Variants in NKAIN2 observed in about 807,000 individuals in gnomAD.
The protein encoded by NKAIN2 is sodium/potassium transporting ATPase interacting 2.
A neutral mutation model predicts 32.6 loss-of-function variants in NKAIN2; 14 were observed. The observed-to-expected ratio is 0.43, with a 90% CI of 0.28 to 0.67. NKAIN2 has a LOEUF of 0.67. Ranked by LOEUF, NKAIN2 falls within the 30% of genes least tolerant of loss-of-function variation. The pLI, the probability that NKAIN2 is intolerant of heterozygous loss-of-function variation, is 0.17. For missense variants in NKAIN2, 198 were observed against 258.3 expected (o/e 0.77, Z 1.60); for synonymous variants, 80 against 87.2 (o/e 0.92, Z 0.46).
At chr6:124,217,236 G>C (rs1234257444) in intron 1 of NKAIN2, among the ~76,000 whole-genome samples, 19 of 152,150 alleles carry the variant, frequency 1.2e-4, no homozygotes, top group Admixed American at 1.2e-3. Flanking sequence ...AGGGGGAAGA[G>C]TGAGGTAGGA....
At chr6:124,216,131 A>G (rs1299795002) in intron 1 of NKAIN2, among the ~76,000 whole-genome samples, 1 of 151,844 alleles carries the variant, frequency 6.6e-6, no homozygotes, top group Non-Finnish European at 1.5e-5. Flanking sequence ...AAAAAAAAAA[A>G]AAAAATAGTC....
intron 3 of NKAIN2, among the ~76,000 whole-genome samples, chr6:124,376,865 T>TA (rs760483842): frequency 3.3e-5 from 5 of 151,972 alleles, no homozygotes; most frequent in Non-Finnish European, 4.4e-5. Flanking sequence ...TCCTAATTCA[T>TA]AAAAAAAAGA....
intron 4 of NKAIN2, among the ~76,000 whole-genome samples, chr6:124,684,211 T>G (rs1009744407): frequency 6.6e-6 from 1 of 152,204 alleles, no homozygotes; most frequent in Non-Finnish European, 1.5e-5. Context: ...AATTTTGTGT[T>G]TGCATGAATC....
At chr6:124,073,594 A>G (rs927910877) in intron 1 of NKAIN2, among the ~76,000 whole-genome samples, 78 of 152,096 alleles carry the variant, frequency 5.1e-4, no homozygotes, top group African/African-American at 1.8e-3. Flanking sequence ...CCTTTCCACA[A>G]TAGGTATTTG....
At chr6:124,511,150 A>T (rs368002008) in intron 3 of NKAIN2, among the ~76,000 whole-genome samples, 1 of 152,202 alleles carries the variant, frequency 6.6e-6, no homozygotes. Flanking sequence ...GGCAAGAAAA[A>T]TGTAGTTGAC....
At chr6:124,661,436 C>T (rs954631104) in intron 4 of NKAIN2, among the ~76,000 whole-genome samples, 3 of 152,190 alleles carry the variant, frequency 2.0e-5, no homozygotes, top group Admixed American at 6.5e-5. Flanking sequence ...TTCACAGATT[C>T]CTGAACCCTG....
chr6:124,274,401 A>G (rs889736864), intron 1 of NKAIN2, among the ~76,000 whole-genome samples: 6 of 152,158 alleles, frequency 3.9e-5, no homozygotes, highest in Non-Finnish European at 8.8e-5. Context: ...ATTTCATCTC[A>G]AGAACAAAGA....
At chr6:124,619,907 T>C (rs888373560) in intron 3 of NKAIN2, among the ~76,000 whole-genome samples, 1 of 152,330 alleles carries the variant, frequency 6.6e-6, no homozygotes, top group African/African-American at 2.4e-5. Context: ...ATTTGCAATG[T>C]AGCCTTACAT....
intron 1 of NKAIN2, among the ~76,000 whole-genome samples, chr6:123,842,906 T>C (rs1000332410): frequency 3.9e-5 from 6 of 152,168 alleles, no homozygotes; most frequent in African/African-American, 1.2e-4. Flanking sequence ...CCTGGTCTTA[T>C]CTATTCAGTG....
chr6:124,008,553 C>T (rs1265509154), intron 1 of NKAIN2, among the ~76,000 whole-genome samples: 1 of 152,022 alleles, frequency 6.6e-6, no homozygotes, highest in South Asian at 2.1e-4. Flanking sequence ...AGAACTAATG[C>T]CATTGTGAGG....
chr6:123,973,446 T>C (rs1048741941), intron 1 of NKAIN2, among the ~76,000 whole-genome samples: 6 of 152,064 alleles, frequency 3.9e-5, no homozygotes, highest in African/African-American at 1.2e-4. Context: ...TTTTATAGCT[T>C]ACATCTTACT....
chr6:124,604,026 GAC>G (rs1414102638), intron 3 of NKAIN2, among the ~76,000 whole-genome samples: 1 of 151,990 alleles, frequency 6.6e-6, no homozygotes, highest in Non-Finnish European at 1.5e-5. Context: ...AGTATAAAAG[GAC>G]ACAGTTTTCT....
intron 1 of NKAIN2, among the ~76,000 whole-genome samples, chr6:124,212,572 A>G (rs1224179634): frequency 1.3e-5 from 2 of 152,108 alleles, no homozygotes; most frequent in African/African-American, 4.8e-5. Context: ...CAGGATCAGT[A>G]AGGAGATACT....
chr6:124,276,224 G>T (rs1455234795), intron 1 of NKAIN2, among the ~76,000 whole-genome samples: 1 of 150,624 alleles, frequency 6.6e-6, no homozygotes, highest in Admixed American at 6.6e-5. Context: ...ACAATTCTTA[G>T]TTCTACTAAA....
intron 3 of NKAIN2, among the ~76,000 whole-genome samples, chr6:124,394,031 C>T (rs756157100): frequency 3.9e-5 from 6 of 152,122 alleles, no homozygotes; most frequent in Non-Finnish European, 8.8e-5. Context: ...ACCTAGTATA[C>T]TCAGGCCCTA....
At chr6:124,125,465 A>G (rs1389385873) in intron 1 of NKAIN2, among the ~76,000 whole-genome samples, 1 of 152,200 alleles carries the variant, frequency 6.6e-6, no homozygotes, top group Non-Finnish European at 1.5e-5. Context: ...TTAAGTCAAA[A>G]TGACTAATGG....
chr6:123,915,482 T>C (rs1002124886), intron 1 of NKAIN2, among the ~76,000 whole-genome samples: 1 of 152,174 alleles, frequency 6.6e-6, no homozygotes, highest in Non-Finnish European at 1.5e-5. Flanking sequence ...ATATTGCCTA[T>C]GACCTAGAGA....
intron 3 of NKAIN2, among the ~76,000 whole-genome samples, chr6:124,498,101 A>G (rs1228399225): frequency 6.6e-6 from 1 of 152,182 alleles, no homozygotes; most frequent in East Asian, 1.9e-4. Flanking sequence ...TCATTTTTTA[A>G]GCCCAAAAGA....
chr6:124,552,612 C>A lies in NKAIN2; in HGVS notation c.274-105574C>A, dbSNP rs116065644. ...GTTAAATGAATTTCCCAATATTACA[C>A]AGCTAGTGTAGCCAAGCCAATGAAG... On this transcript the variant is annotated intron_variant, in intron 3 of 6. Coordinates refer to ENST00000368417, the MANE Select transcript of NKAIN2 (RefSeq NM_001040214.3). Among the ~76,000 whole-genome samples, 1,176 of 152,298 alleles carry A rather than the reference C, an allele frequency of 7.7e-3. 23 individuals carry two copies. Among genetic ancestry groups the A allele is most frequent in the African/African-American group, 0.027 (1,105 of 41,558 alleles).
Sources: gnomAD v4.1 joint callset for allele counts (sites outside exome capture counted in the v4.1 genomes callset) on GRCh38, gnomAD v4.1.1 for gene constraint, MANE v1.5 for transcripts, NCBI Gene and HGNC (gene_info 2026-07-23, HGNC 2026-07-21) for gene names.